Variants in CSGALNACT1 observed in about 807,000 individuals in gnomAD.
CSGALNACT1 encodes chondroitin sulfate N-acetylgalactosaminyltransferase 1, also known as beta4GalNAcT-1.
A neutral mutation model predicts 51.0 loss-of-function variants in CSGALNACT1; 52 were observed. The ratio of observed to expected loss-of-function variants is 1.02; its 90% CI spans 0.82 to 1.29. The LOEUF (loss-of-function observed/expected upper bound fraction) is 1.29, where lower values mean the gene tolerates loss of function less well. Ranked by LOEUF, CSGALNACT1 falls within the 50% of genes most tolerant of loss-of-function variation. The pLI, the probability that CSGALNACT1 is intolerant of heterozygous loss-of-function variation, is 0.00. For synonymous variants in CSGALNACT1, 341 were observed against 254.4 expected (o/e 1.34, Z -3.24); for missense variants, 935 against 679.2 (o/e 1.38, Z -4.19).
At chr8:19,438,748 C>T (rs145942075) in intron 6 of CSGALNACT1, among the ~76,000 whole-genome samples, 14 of 152,242 alleles carry the variant, frequency 9.2e-5, no homozygotes, top group Admixed American at 5.9e-4. Context: ...AAGACAGGTG[C>T]AAGACAAAAT....
intron 3 of CSGALNACT1, among the ~76,000 whole-genome samples, chr8:19,570,092 A>T (rs78571099): frequency 2.8e-5 from 4 of 144,542 alleles, no homozygotes; most frequent in Admixed American, 6.9e-5. Flanking sequence ...TTGGGGGCCT[A>T]TTTTTTTTTT....
At chr8:19,505,483 C>T (rs1162516932) in exon 4 of CSGALNACT1, 1 of 1,614,036 alleles carries the variant, frequency 6.2e-7, no homozygotes, top group Admixed American at 1.7e-5. Flanking sequence ...AGGAGGTCGG[C>T]CTGGGTTTTC....
intron 3 of CSGALNACT1, among the ~76,000 whole-genome samples, chr8:19,510,457 A>C (rs1434412646): frequency 6.6e-6 from 1 of 152,166 alleles, no homozygotes. Context: ...GTCTTTATTC[A>C]TCCATACAAC....
chr8:19,639,073 G>A (rs1028763828), intron 1 of CSGALNACT1, among the ~76,000 whole-genome samples: 1 of 152,096 alleles, frequency 6.6e-6, no homozygotes, highest in Non-Finnish European at 1.5e-5. Context: ...TCAGGACTCT[G>A]AAGGGGAAAA....
intron 1 of CSGALNACT1, among the ~76,000 whole-genome samples, chr8:19,666,998 A>G (rs1413301761): frequency 4.2e-5 from 1 of 23,902 alleles, no homozygotes. Context: ...AAAGAAAGAA[A>G]GAAAGAAAGA....
At chr8:19,553,551 CT>C in intron 3 of CSGALNACT1, among the ~76,000 whole-genome samples, 1 of 147,438 alleles carries the variant, frequency 6.8e-6, no homozygotes, top group African/African-American at 2.5e-5. Context: ...ATACAAAAAG[CT>C]TAAACCATTT....
chr8:19,444,584 C>G (rs560742416), intron 5 of CSGALNACT1, among the ~76,000 whole-genome samples: 1 of 152,230 alleles, frequency 6.6e-6, no homozygotes, highest in Non-Finnish European at 1.5e-5. Flanking sequence ...TACCCTAACC[C>G]CCAAGCAATA....
At chr8:19,755,474 A>AAAAAAAAAAAAAAAAAAAAAAC (rs1198641722) in intron 1 of CSGALNACT1, among the ~76,000 whole-genome samples, 3 of 150,202 alleles carry the variant, frequency 2.0e-5, no homozygotes, top group East Asian at 1.9e-4. Flanking sequence ...AAAAAAAAAA[A>AAAAAAAAAAAAAAAAAAAAAAC]AAAAAAAGAC....
intron 3 of CSGALNACT1, among the ~76,000 whole-genome samples, chr8:19,582,914 C>A (rs2045890548): frequency 6.6e-6 from 1 of 152,118 alleles, no homozygotes; most frequent in African/African-American, 2.4e-5. Flanking sequence ...AGAAAGACAG[C>A]CATTTCAACA....
intron 6 of CSGALNACT1, among the ~76,000 whole-genome samples, chr8:19,432,696 CCTG>C (rs1017069187): frequency 6.6e-6 from 1 of 152,088 alleles, no homozygotes; most frequent in Admixed American, 6.5e-5. Flanking sequence ...CTTCTTCAAA[CCTG>C]CTGTTAAGCC....
Position 19,597,030 on chromosome 8 carries a change from T to C in CSGALNACT1, c.-416+4741A>G, listed in dbSNP as rs1355762551. Among the ~76,000 whole-genome samples the C allele has an allele frequency of 7.2e-5, 11 of 152,106 alleles. No individual in the cohort carries two copies. The East Asian group carries it at 2.1e-3, about 29-fold the overall frequency. ...CTCCCACAGCCCCTGACACCTCTCA[T>C]TCTATTTTCTGTCTCTATAAATGTG... is the stretch of plus-strand genomic sequence containing the variant. On this transcript the variant is annotated intron_variant, in intron 2 of 9. Coordinates refer to ENST00000454498, the Ensembl canonical transcript of CSGALNACT1.
intron 3 of CSGALNACT1, among the ~76,000 whole-genome samples, chr8:19,546,339 C>A (rs75598740): frequency 0.013 from 1,981 of 152,212 alleles, 42 homozygotes; most frequent in South Asian, 0.06. Flanking sequence ...TTCCCTTCTC[C>A]AAAATGGCAA....
intron 4 of CSGALNACT1, among the ~76,000 whole-genome samples, chr8:19,476,949 C>G (rs188442282): frequency 4.6e-5 from 7 of 152,306 alleles, no homozygotes; most frequent in Non-Finnish European, 7.4e-5. Context: ...CAGGGACAAG[C>G]CATCCCCATG....
At chr8:19,627,935 T>C (rs979180169) in intron 1 of CSGALNACT1, among the ~76,000 whole-genome samples, 1 of 152,192 alleles carries the variant, frequency 6.6e-6, no homozygotes, top group African/African-American at 2.4e-5. Context: ...TAAAGTACTA[T>C]AACTATGAAA....
At chr8:19,527,923 G>A (rs1187164437) in intron 3 of CSGALNACT1, among the ~76,000 whole-genome samples, 3 of 152,122 alleles carry the variant, frequency 2.0e-5, no homozygotes, top group Non-Finnish European at 4.4e-5. Context: ...ATATTGATAG[G>A]AATCAAACCG....
chr8:19,663,945 G>A (rs539382360), intron 1 of CSGALNACT1, among the ~76,000 whole-genome samples: 1 of 152,240 alleles, frequency 6.6e-6, no homozygotes, highest in African/African-American at 2.4e-5. Context: ...TGTCACTCTT[G>A]TACAAAGAGT....
chr8:19,479,707 C>T (rs1239045803), intron 4 of CSGALNACT1, among the ~76,000 whole-genome samples: 2 of 149,596 alleles, frequency 1.3e-5, no homozygotes, highest in Non-Finnish European at 3.0e-5. Context: ...TAAGTTCCTT[C>T]AGAAGCTGTG....
intron 1 of CSGALNACT1, among the ~76,000 whole-genome samples, chr8:19,755,456 C>CAAAAAAAAAAAAAAAAGAAAAAAAAAA (rs2065301754): frequency 1.3e-5 from 1 of 74,532 alleles, no homozygotes; most frequent in Non-Finnish European, 2.5e-5. Context: ...TAAAGAAAGA[C>CAAAAAAAAAAAAAAAAGAAAAAAAAAA]AAAAAAAAAA....
At chr8:19,602,620 G>C (rs1037061945), upstream of CSGALNACT1, 5 of 152,254 alleles carry the variant, frequency 3.3e-5, no homozygotes, top group African/African-American at 1.2e-4. Flanking sequence ...CCGCTCCCTG[G>C]GGGGCGTGAA....
Sources: allele counts gnomAD v4.1 joint callset (sites outside exome capture counted in the v4.1 genomes callset), GRCh38; gene constraint gnomAD v4.1.1; transcripts MANE v1.5; gene names NCBI Gene and HGNC (gene_info 2026-07-23, HGNC 2026-07-21).